CHMP6: variants seen among roughly 807,000 people sequenced by gnomAD.
CHMP6 encodes the protein chromatin-modifying protein 6.
A neutral mutation model predicts 32.8 loss-of-function variants in CHMP6; 10 were observed. The ratio of observed to expected loss-of-function variants is 0.30; its 90% CI spans 0.19 to 0.52. The LOEUF (loss-of-function observed/expected upper bound fraction) is 0.52. Ranked by LOEUF, CHMP6 falls within the 20% of genes least tolerant of loss-of-function variation. The pLI is 0.97. For missense variants in CHMP6, 269 were observed against 263.8 expected, an observed-to-expected ratio of 1.02 and a Z score of -0.14; for synonymous variants, 123 against 105.8, an observed-to-expected ratio of 1.16 and a Z score of -1.00.
chr17:80,992,743 A>T (rs977005715), intron 1 of CHMP6, among the ~76,000 whole-genome samples: 1 of 152,218 alleles, frequency 6.6e-6, no homozygotes, highest in Non-Finnish European at 1.5e-5. Flanking sequence ...ATCGCCTGGC[A>T]TGTCAGGGAC....
chr17:80,998,815 C>T (rs913188755), intron 7 of CHMP6: 6 of 775,030 alleles, frequency 7.7e-6, no homozygotes, highest in Non-Finnish European at 9.7e-6. Flanking sequence ...AACCGTCCAT[C>T]CACGTTTGTT....
chr17:80,999,420 C>G lies in CHMP6; in HGVS notation c.*267C>G, dbSNP rs991827549. 4 of 461,170 alleles carry G rather than the reference C, an allele frequency of 8.7e-6. No homozygotes were observed. The highest frequency in any genetic ancestry group is 1.6e-5 in the Non-Finnish European group (4 of 250,708). The allele number at this position is 461,170 out of a possible 1,614,324, so 28.6% of individuals were successfully genotyped here. Reference sequence around the variant, plus strand: ...AGCTTCTGCCGGTTGTGGGCTCCCCCGGTGGCCGAGGCCCAGGCCCAACGC... The same window carrying G: ...AGCTTCTGCCGGTTGTGGGCTCCCCGGGTGGCCGAGGCCCAGGCCCAACGC... On this transcript the variant is annotated 3_prime_UTR_variant, in exon 8 of 8. Coordinates refer to ENST00000325167, the MANE Select transcript of CHMP6 (RefSeq NM_024591.5).
In CHMP6 at chr17:80,999,220, A is replaced by G. The variant is rs987328619; in HGVS notation, c.*67A>G. The G allele has an allele frequency of 2.5e-6, 4 of 1,590,790 alleles. No individual in the cohort carries two copies. Among genetic ancestry groups the G allele is most frequent in the Non-Finnish European group, 3.4e-6 (4 of 1,160,012 alleles). ...CTGTGGCCCACAGAGAGTTTGGGTC[A>G]CGGCCAGCCCCTGACCGGGTTCCCT... On this transcript the variant is annotated 3_prime_UTR_variant, in exon 8 of 8. Coordinates refer to ENST00000325167, the MANE Select transcript of CHMP6 (RefSeq NM_024591.5).
chr17:80,997,894 C>G (rs1042020063), intron 6 of CHMP6, among the ~76,000 whole-genome samples: 1 of 152,256 alleles, frequency 6.6e-6, no homozygotes, highest in African/African-American at 2.4e-5. Context: ...TGTCCAGTTA[C>G]TTTCTCCTGA....
chr17:80,998,443 T>A (rs747379209), intron 7 of CHMP6, 23 bp downstream of exon 7: 4 of 1,614,122 alleles, frequency 2.5e-6, no homozygotes, highest in Non-Finnish European at 2.5e-6. Flanking sequence ...TTGATTCTTT[T>A]GAATGGTTGG....
At chr17:80,992,615 C>T (rs932767884) in intron 1 of CHMP6, among the ~76,000 whole-genome samples, 6 of 152,094 alleles carry the variant, frequency 3.9e-5, no homozygotes, top group Non-Finnish European at 8.8e-5. Context: ...CGCCTGGGTA[C>T]GGGACCACCG....
chr17:80,994,583 A>C lies in CHMP6; in HGVS notation c.66A>C (p.Gln22His), dbSNP rs759794169. 3.8e-6 allele frequency: 6 copies of C among 1,571,698 alleles called. No homozygotes were observed. Among genetic ancestry groups the C allele is most frequent in the Non-Finnish European group, 8.6e-7 (1 of 1,160,366 alleles). Residue 22 changes from glutamine to histidine, a missense_variant and splice_region_variant, in exon 2 of 8, where the codon CAA (glutamine) becomes CAC (histidine). By Grantham distance (24) the Gln-to-His change is conservative. Transcript: ENST00000325167. ...CCAGGCCCTCTCTCTCTTGGCAGCA[A>C]CTGAAGCAGCAGCGGGACAAGCTGA... The part of the protein sequence containing the change: ...RVTEQDKAIL[Q>H]LKQQRDKLRQ...
intron 5 of CHMP6, 86 bp from the exon 6 acceptor site, chr17:80,997,175 G>C: frequency 6.2e-7 from 1 of 1,601,348 alleles, no homozygotes; most frequent in Non-Finnish European, 8.5e-7. Context: ...CTTCTCTCAA[G>C]GGGACGAGAC....
At chr17:80,998,586 T>A in intron 7 of CHMP6, 166 bp downstream of exon 7, 1 of 1,480,640 alleles carries the variant, frequency 6.8e-7, no homozygotes, top group Non-Finnish European at 9.0e-7. Flanking sequence ...GGGTTGGGCT[T>A]GGGTTTCCCA....
chr17:80,995,636 C>T (rs1444508650), intron 3 of CHMP6, 36 bp from the exon 4 acceptor site: 3 of 1,598,218 alleles, frequency 1.9e-6, no homozygotes, highest in Non-Finnish European at 2.6e-6. Context: ...CACCCCGGAT[C>T]CTCAGCACCT....
intron 1 of CHMP6, among the ~76,000 whole-genome samples, 188 bp downstream of exon 1, chr17:80,992,169 C>T (rs917991595): frequency 6.6e-6 from 1 of 151,484 alleles, no homozygotes; most frequent in African/African-American, 2.4e-5. Flanking sequence ...GGCCTCGGGC[C>T]GGGGTCTCCT....
chr17:80,995,562 C>T (rs1332954881), intron 3 of CHMP6, 110 bp from the exon 4 acceptor site: 29 of 860,948 alleles, frequency 3.4e-5, no homozygotes, highest in African/African-American at 5.5e-5. Flanking sequence ...GTCACCCTCA[C>T]GCCCAGCAGC....
At chr17:80,996,756 C>T (rs1245787687) in intron 4 of CHMP6, among the ~76,000 whole-genome samples, 1 of 152,224 alleles carries the variant, frequency 6.6e-6, no homozygotes, top group Non-Finnish European at 1.5e-5. Flanking sequence ...AGGCCCATGC[C>T]TGGGACACAC....
chr17:80,998,544 G>A (rs745667395), intron 7 of CHMP6, 124 bp downstream of exon 7: 3 of 1,575,492 alleles, frequency 1.9e-6, no homozygotes, highest in South Asian at 1.2e-5. Flanking sequence ...CTGCCTGGCT[G>A]TTTGGCTTGG....
intron 4 of CHMP6, 126 bp from the exon 5 acceptor site, chr17:80,996,881 G>A: frequency 1.0e-6 from 1 of 999,616 alleles, no homozygotes; most frequent in East Asian, 2.7e-5. Flanking sequence ...GCCAGACCTT[G>A]TCTTTAAAAA....
At position 80,991,991 on chromosome 17, in the gene CHMP6, C is replaced by T. The variant is rs1260258666; in HGVS notation, c.63+10C>T. 4.2e-6 allele frequency: 6 copies of T among 1,417,746 alleles called. No homozygotes were observed. The Admixed American group carries it at 7.4e-5, about 17-fold the overall frequency. The allele number at this position is 1,417,746 out of a possible 1,614,324, so 87.8% of individuals were successfully genotyped here. A position where few individuals can be genotyped will look rare whatever the true frequency, so the allele number is the denominator to read the frequency against. On this transcript the variant is annotated intron_variant, in intron 1 of 7. Coordinates refer to ENST00000325167, the MANE Select transcript of CHMP6 (RefSeq NM_024591.5). ...GGACAAGGCCATCCTGGTGAGGGCCCGGGCCCGGGGTCAGGGCTGGGGCCG... is the reference window on the plus strand; with the variant it reads ...GGACAAGGCCATCCTGGTGAGGGCCTGGGCCCGGGGTCAGGGCTGGGGCCG...
chr17:80,997,685 C>T (rs934184018), intron 6 of CHMP6, among the ~76,000 whole-genome samples: 1 of 152,024 alleles, frequency 6.6e-6, no homozygotes, highest in Non-Finnish European at 1.5e-5. Flanking sequence ...CTGCGGGGGC[C>T]GCGTCCTGGC....
chr17:80,993,657 C>G (rs1258544772), intron 1 of CHMP6, among the ~76,000 whole-genome samples: 1 of 152,222 alleles, frequency 6.6e-6, no homozygotes, highest in Non-Finnish European at 1.5e-5. Context: ...GTTTGGAAAA[C>G]TTAAGGACCT....
At chr17:80,995,527 G>A in intron 3 of CHMP6, 145 bp from the exon 4 acceptor site, 1 of 668,940 alleles carries the variant, frequency 1.5e-6, no homozygotes, top group Non-Finnish European at 2.6e-6. Context: ...CAGTGGGAGA[G>A]GACAGGGAGG....
Sources: gnomAD v4.1 joint callset for allele counts (sites outside exome capture counted in the v4.1 genomes callset) on GRCh38, gnomAD v4.1.1 for gene constraint, MANE v1.5 for transcripts, NCBI Gene and HGNC (gene_info 2026-07-23, HGNC 2026-07-21) for gene names.